The following TNFSF8 variants were observed in gnomAD, a reference collection of about 807,000 sequenced individuals.
The protein encoded by TNFSF8 is TNF superfamily member 8.
Under a neutral mutation model 22.0 loss-of-function variants are expected in TNFSF8, and 4 were observed. That is an observed-to-expected ratio of 0.18 (90% CI 0.09 to 0.42). The LOEUF (loss-of-function observed/expected upper bound fraction) is 0.42. Among genes scored for constraint, TNFSF8 ranks in the 10% least tolerant of loss-of-function variants. The probability of loss-of-function intolerance (pLI) is 1.00; values close to 1 mark genes in which losing one functional copy is unlikely to be tolerated. For synonymous variants in TNFSF8, 106 were observed against 112.5 expected (o/e 0.94, Z 0.37); for missense variants, 233 against 281.8 (o/e 0.83, Z 1.24).
rs1484159070 is a variant in TNFSF8 at position 114,903,031 on chromosome 9, C to T, written c.*900G>A. On this transcript the variant is annotated 3_prime_UTR_variant, in exon 4 of 4. Transcript: ENST00000223795. ...TGGATTCCCCACTTCTCTGTTGCTT[C>T]CTTCAGACAGACCATTCAGGCATTT... The T allele has an allele frequency of 6.6e-6, 1 of 152,448 alleles. No individual in the cohort carries two copies. Among genetic ancestry groups the T allele is most frequent in the Non-Finnish European group, 1.5e-5 (1 of 68,258 alleles). The allele number at this position is 152,448 out of a possible 1,614,324, so 9.4% of individuals were successfully genotyped here.
At chr9:114,923,549 ACT>A (rs543282912) in intron 1 of TNFSF8, among the ~76,000 whole-genome samples, 106 of 83,718 alleles carry the variant, frequency 1.3e-3, no homozygotes, top group African/African-American at 5.2e-3. Context: ...ATGAAATCTC[ACT>A]CTGTCACTCA....
rs770999413 is a variant in TNFSF8, at chr9:114,904,152, G to A, written c.484C>T (p.Leu162Phe). 10 of 1,613,974 alleles carry A rather than the reference G, an allele frequency of 6.2e-6. No individual in the cohort carries two copies. The African/African-American group carries it at 1.2e-4, about 19-fold the overall frequency. The change falls in exon 4 of 4, where the codon CTT (leucine) becomes TTT (phenylalanine). Residue 162 changes from leucine to phenylalanine, a missense_variant. Physicochemically the swap from Leu to Phe is conservative, Grantham distance 22 (BLOSUM62 0). Coordinates refer to ENST00000223795, the MANE Select transcript of TNFSF8 (RefSeq NM_001244.4). ...TTTTTGATATGCTTGTTGATGAGAA[G>A]CTCCAACTTCAGATCGACAGAATTA... ...PNNSVDLKLELLINKHIKKQA... is the reference protein window; with the variant it reads ...PNNSVDLKLEFLINKHIKKQA...
chr9:114,922,303 G>A (rs999451923), intron 1 of TNFSF8, among the ~76,000 whole-genome samples: 4 of 152,178 alleles, frequency 2.6e-5, no homozygotes. Context: ...GCTCTGTTTG[G>A]AATATGCCAG....
At chr9:114,894,244 C>A (rs1447455215) in intron 4 of TNFSF8, 1 of 1,254,062 alleles carries the variant, frequency 8.0e-7, no homozygotes, top group African/African-American at 1.5e-5. Flanking sequence ...TACTCAGAAG[C>A]CCACAGTTTA....
At chr9:114,907,500 G>A (rs970995350) in intron 2 of TNFSF8, among the ~76,000 whole-genome samples, 2 of 152,134 alleles carry the variant, frequency 1.3e-5, no homozygotes, top group African/African-American at 4.8e-5. Context: ...ATCAAGCCAG[G>A]GAGACAGACC....
intron 1 of TNFSF8, among the ~76,000 whole-genome samples, chr9:114,919,225 G>A (rs1407852512): frequency 6.6e-6 from 1 of 151,858 alleles, no homozygotes; most frequent in African/African-American, 2.4e-5. Context: ...ATACAAATAT[G>A]TATACACATG....
At chr9:114,905,477 G>A (rs1318391698) in intron 3 of TNFSF8, among the ~76,000 whole-genome samples, 1 of 145,942 alleles carries the variant, frequency 6.9e-6, no homozygotes, top group African/African-American at 2.5e-5. Flanking sequence ...AAAGGACTGT[G>A]TACTTTGCTG....
In TNFSF8 at chr9:114,904,323, C is replaced by T. The variant is rs765230988; in HGVS notation, c.313G>A (p.Ala105Thr). Reference protein sequence around the residue: ...FKKSWAYLQVAKHLNKTKLSW... With the variant: ...FKKSWAYLQVTKHLNKTKLSW... ...AACTTGGTTTTGTTTAGATGCTTTG[C>T]CACTAGAAAGAGAAGTATAGAAAAC... Residue 105 changes from alanine (A) to threonine (T), a missense_variant and splice_region_variant, in exon 4 of 4, where the codon GCA becomes ACA. By Grantham distance (58) the Ala-to-Thr change is moderately conservative. Coordinates refer to ENST00000223795, the MANE Select transcript of TNFSF8 (RefSeq NM_001244.4). 15 of 1,599,870 alleles carry T rather than the reference C, an allele frequency of 9.4e-6. No individual in the cohort carries two copies. The Middle Eastern group carries it at 8.4e-4, about 89-fold the overall frequency.
chr9:114,921,905 G>A (rs1415998895), intron 1 of TNFSF8, among the ~76,000 whole-genome samples: 2 of 152,156 alleles, frequency 1.3e-5, no homozygotes, highest in Non-Finnish European at 2.9e-5. Context: ...TGTCTGATGA[G>A]TATTCCCAAC....
intron 1 of TNFSF8, among the ~76,000 whole-genome samples, chr9:114,923,749 C>T (rs1828022517): frequency 6.6e-6 from 1 of 152,044 alleles, no homozygotes; most frequent in African/African-American, 2.4e-5. Flanking sequence ...AAATCCTGGC[C>T]TCAAGTGATC....
intron 2 of TNFSF8, 114 bp downstream of exon 2, chr9:114,917,982 C>A: frequency 9.3e-7 from 1 of 1,078,704 alleles, no homozygotes; most frequent in Non-Finnish European, 1.3e-6. Context: ...CCCCTACCCA[C>A]TTTACTGTTG....
chr9:114,907,352 G>A (rs559507250), intron 2 of TNFSF8, among the ~76,000 whole-genome samples: 1 of 152,210 alleles, frequency 6.6e-6, no homozygotes, highest in Admixed American at 6.5e-5. Flanking sequence ...CTCTGGTCCT[G>A]CCTGTTGCAG....
intron 1 of TNFSF8, among the ~76,000 whole-genome samples, chr9:114,922,429 G>A (rs1828000603): frequency 6.6e-6 from 1 of 152,102 alleles, no homozygotes; most frequent in Non-Finnish European, 1.5e-5. Flanking sequence ...CTAATTCATT[G>A]GGCACTTAAT....
chr9:114,911,398 A>G (rs117376785), intron 2 of TNFSF8, among the ~76,000 whole-genome samples: 2 of 152,324 alleles, frequency 1.3e-5, no homozygotes, highest in Non-Finnish European at 2.9e-5. Flanking sequence ...AGTGACATCT[A>G]GAGGACAGTC....
intron 2 of TNFSF8, among the ~76,000 whole-genome samples, chr9:114,908,729 T>C (rs957907043): frequency 6.6e-6 from 1 of 152,148 alleles, no homozygotes; most frequent in Non-Finnish European, 1.5e-5. Flanking sequence ...TTAAAAATCA[T>C]TTAGATGGTT....
At chr9:114,898,446 G>T (rs1056384866), downstream of TNFSF8, among the ~76,000 whole-genome samples, 9 of 152,214 alleles carry the variant, frequency 5.9e-5, no homozygotes, top group African/African-American at 2.2e-4. Context: ...CTGGAGATGG[G>T]ATTTATAAGG....
intron 2 of TNFSF8, among the ~76,000 whole-genome samples, chr9:114,910,190 T>C (rs190783877): frequency 6.6e-6 from 1 of 152,338 alleles, no homozygotes; most frequent in East Asian, 1.9e-4. Flanking sequence ...AAGAGAAAGA[T>C]GTGCCAACAA....
At chr9:114,908,162 C>T (rs1827807590) in intron 2 of TNFSF8, among the ~76,000 whole-genome samples, 1 of 152,234 alleles carries the variant, frequency 6.6e-6, no homozygotes, top group African/African-American at 2.4e-5. Flanking sequence ...TTCTATCAGA[C>T]AGTGAACCCT....
intron 1 of TNFSF8, 119 bp downstream of exon 1, chr9:114,929,990 T>A: frequency 5.9e-6 from 3 of 507,698 alleles, no homozygotes; most frequent in Non-Finnish European, 6.4e-6. Flanking sequence ...AGAGAGAGAG[T>A]TTATTTATTT....
Sources: allele counts gnomAD v4.1 joint callset (sites outside exome capture counted in the v4.1 genomes callset), GRCh38; gene constraint gnomAD v4.1.1; transcripts MANE v1.5; gene names NCBI Gene and HGNC (gene_info 2026-07-23, HGNC 2026-07-21).